The following PREP variants were observed in gnomAD, a reference collection of about 807,000 sequenced individuals.
The protein encoded by PREP is dJ355L5.1 (prolyl endopeptidase).
A neutral mutation model predicts 87.6 loss-of-function variants in PREP; 29 were observed. The observed-to-expected ratio is 0.33, with a 90% CI of 0.25 to 0.45. The LOEUF is 0.45. PREP is among the 20% of genes least tolerant of loss of function. The pLI, the probability that PREP is intolerant of heterozygous loss-of-function variation, is 1.00. For missense variants in PREP, 695 were observed against 886.5 expected (o/e 0.78, Z 2.74); for synonymous variants, 337 against 328.6 (o/e 1.03, Z -0.28).
intron 14 of PREP, chr6:105,279,026 A>G (rs1562184095): frequency 6.6e-6 from 1 of 152,232 alleles, no homozygotes; most frequent in Non-Finnish European, 1.5e-5. Context: ...AGAAAGCAAC[A>G]GACTTTGCCA....
Position 105,362,396 on chromosome 6 carries a change from G to A in PREP, c.717+6507C>T, listed in dbSNP as rs950347188. On this transcript the variant is annotated intron_variant, in intron 6 of 14. Coordinates refer to ENST00000652536, the MANE Select transcript of PREP (RefSeq NM_002726.5). ...GAATCGCTTGAACCCAGGAGATGGA[G>A]GTCGCAGGGAGCCAGGATCACACCA... is the stretch of plus-strand genomic sequence containing the variant. 3.9e-4 allele frequency among the ~76,000 whole-genome samples: 60 copies of A among 152,228 alleles called. 1 individual carries two copies. The highest frequency in any genetic ancestry group is 1.4e-3 in the African/African-American group (57 of 41,462).
chr6:105,328,415 G>C (rs1055488219), intron 9 of PREP, among the ~76,000 whole-genome samples: 7 of 152,042 alleles, frequency 4.6e-5, no homozygotes, highest in African/African-American at 1.7e-4. Context: ...GCGCCACCAT[G>C]CCCAGCTAAT....
At chr6:105,286,277 T>C (rs1770187231) in intron 11 of PREP, among the ~76,000 whole-genome samples, 1 of 152,150 alleles carries the variant, frequency 6.6e-6, no homozygotes, top group Non-Finnish European at 1.5e-5. Context: ...CTGTTTTAAG[T>C]TGGAAAAAAG....
chr6:105,370,341 C>T (rs760112745), intron 5 of PREP, among the ~76,000 whole-genome samples: 16 of 145,864 alleles, frequency 1.1e-4, no homozygotes, highest in Non-Finnish European at 1.6e-4. Context: ...TATAACTATA[C>T]ACCTGTAAGA....
Position 105,373,571 on chromosome 6 carries a change from C to G in PREP, c.393G>C (p.Ala131=). ...DDGTVALRGY[A]FSEDGEYFAY... is the part of the protein sequence containing the mutation. ...CAAAATATTCACCATCTTCGCTGAA[C>G]GCATAACCTATGGGACACAGGAGAA... is the stretch of plus-strand genomic sequence containing the variant. The change falls in exon 5 of 15, where the codon GCG becomes GCC. Residue 131 remains alanine (A), a synonymous_variant. Coordinates refer to ENST00000652536, the MANE Select transcript of PREP (RefSeq NM_002726.5). The G allele has an allele frequency of 1.2e-6, 2 of 1,614,012 alleles. No homozygotes were observed. Among genetic ancestry groups the G allele is most frequent in the Non-Finnish European group, 1.7e-6 (2 of 1,179,916 alleles).
intron 9 of PREP, among the ~76,000 whole-genome samples, chr6:105,326,736 T>C (rs1771169497): frequency 6.6e-6 from 1 of 152,234 alleles, no homozygotes; most frequent in South Asian, 2.1e-4. Context: ...TCACAAGATC[T>C]GAATCCGGAA....
chr6:105,330,379 C>T (rs1771295298), intron 8 of PREP, among the ~76,000 whole-genome samples: 1 of 152,028 alleles, frequency 6.6e-6, no homozygotes, highest in African/African-American at 2.4e-5. Flanking sequence ...AGGTATTTCC[C>T]AAGAAGAATA....
chr6:105,353,083 A>C lies in PREP; in HGVS notation c.718-6T>G, dbSNP rs1562212444. ...TAGCGGCCATCATCAGATAACTAAA[A>C]AAGAAAAAAAAATAGTGCAGGGGAC... On this transcript the variant is annotated splice_polypyrimidine_tract_variant and splice_region_variant and intron_variant, in intron 6 of 14. Transcript: ENST00000652536. 1.3e-6 allele frequency: 2 copies of C among 1,596,592 alleles called. No individual in the cohort carries two copies. The highest frequency in any genetic ancestry group is 2.2e-5 in the South Asian group (2 of 90,304).
intron 6 of PREP, among the ~76,000 whole-genome samples, chr6:105,353,862 T>C (rs566532786): frequency 6.6e-6 from 1 of 152,202 alleles, no homozygotes; most frequent in East Asian, 1.9e-4. Context: ...AAGTTTCTAC[T>C]GAACAACTGC....
intron 2 of PREP, among the ~76,000 whole-genome samples, chr6:105,392,500 A>C (rs1773179280): frequency 1.3e-5 from 2 of 152,208 alleles, no homozygotes; most frequent in Non-Finnish European, 2.9e-5. Context: ...TCTAACTCAA[A>C]GCTTTTCCTT....
At chr6:105,335,338 T>C (rs1295890733) in intron 7 of PREP, among the ~76,000 whole-genome samples, 1 of 152,266 alleles carries the variant, frequency 6.6e-6, no homozygotes, top group East Asian at 1.9e-4. Context: ...TACACTAATT[T>C]GGGTAGTTCA....
chr6:105,359,362 G>A (rs1008492405), intron 6 of PREP, among the ~76,000 whole-genome samples: 5 of 152,136 alleles, frequency 3.3e-5, no homozygotes, highest in Admixed American at 2.0e-4. Flanking sequence ...TGAGCTGGAC[G>A]GAAAAATGAG....
intron 7 of PREP, among the ~76,000 whole-genome samples, chr6:105,346,410 C>T (rs1357749106): frequency 1.3e-5 from 2 of 152,164 alleles, no homozygotes; most frequent in African/African-American, 4.8e-5. Flanking sequence ...GCATGTAATG[C>T]AAATTTAATT....
At chr6:105,400,519 A>G (rs1400174523) in intron 1 of PREP, among the ~76,000 whole-genome samples, 1 of 152,144 alleles carries the variant, frequency 6.6e-6, no homozygotes, top group African/African-American at 2.4e-5. Flanking sequence ...CAGGATCAGG[A>G]ATGTCCTTTG....
chr6:105,302,204 T>C (rs1449260992), intron 10 of PREP, among the ~76,000 whole-genome samples: 1 of 152,180 alleles, frequency 6.6e-6, no homozygotes, highest in African/African-American at 2.4e-5. Flanking sequence ...CAGCGTCTGT[T>C]TTGGTACAGG....
At chr6:105,376,868 G>A (rs1425043845) in intron 3 of PREP, among the ~76,000 whole-genome samples, 2 of 152,228 alleles carry the variant, frequency 1.3e-5, no homozygotes, top group Non-Finnish European at 2.9e-5. Flanking sequence ...ATCTCTGTAA[G>A]AATGGCAGAG....
intron 6 of PREP, among the ~76,000 whole-genome samples, chr6:105,354,064 T>C (rs1457775150): frequency 6.6e-6 from 1 of 152,172 alleles, no homozygotes; most frequent in Admixed American, 6.5e-5. Context: ...ACATATTCTT[T>C]TGCAACTAAT....
intron 2 of PREP, among the ~76,000 whole-genome samples, chr6:105,393,485 T>C (rs368937573): frequency 3.3e-5 from 5 of 152,278 alleles, no homozygotes; most frequent in African/African-American, 9.6e-5. Flanking sequence ...CTTCAGACTG[T>C]ACAAGGCAAC....
At chr6:105,304,497 AG>A (rs1320646181) in intron 10 of PREP, among the ~76,000 whole-genome samples, 4 of 152,188 alleles carry the variant, frequency 2.6e-5, no homozygotes, top group Non-Finnish European at 5.9e-5. Context: ...GTATGCTCTT[AG>A]CCACTGTAAA....
Sources: gnomAD v4.1 joint callset for allele counts (sites outside exome capture counted in the v4.1 genomes callset) on GRCh38, gnomAD v4.1.1 for gene constraint, MANE v1.5 for transcripts, NCBI Gene and HGNC (gene_info 2026-07-23, HGNC 2026-07-21) for gene names.